Variants in SMAP2 observed in about 807,000 individuals in gnomAD.
SMAP2 encodes small ArfGAP2.
SMAP2 carries 25 observed loss-of-function variants against 56.4 expected under a neutral mutation model. That is an observed-to-expected ratio of 0.44 (90% CI 0.32 to 0.62). The LOEUF (loss-of-function observed/expected upper bound fraction) is 0.62. SMAP2 is among the 20% of genes least tolerant of loss of function. The pLI is 0.04. For synonymous variants in SMAP2, 157 were observed against 181.7 expected, an observed-to-expected ratio of 0.86 and a Z score of 1.09; for missense variants, 388 against 545.6, an observed-to-expected ratio of 0.71 and a Z score of 2.88.
chr1:40,405,498 T>C (rs1447480533), intron 1 of SMAP2, among the ~76,000 whole-genome samples: 2 of 152,098 alleles, frequency 1.3e-5, no homozygotes. Flanking sequence ...AAAATAAAAA[T>C]TAAAAAATTA....
rs1309926578 is a variant in SMAP2, at chr1:40,374,021, C to A, written c.-100C>A. The A allele has an allele frequency of 1.1e-6, 1 of 884,630 alleles. No individual in the cohort carries two copies. Among genetic ancestry groups the A allele is most frequent in the Non-Finnish European group, 1.8e-6 (1 of 552,486 alleles). 54.8% of individuals were successfully genotyped at this position (884,630 alleles called of 1,614,324 possible). On this transcript the variant is annotated 5_prime_UTR_variant, in exon 1 of 10. Transcript: ENST00000372718. The surrounding 1 kb of genome is among the most constrained non-coding windows in gnomAD (Gnocchi z 5.9). ...AGGGCTCTCCCCGCTCAGGAGGTGC[C>A]CCTGGGCGGGGGACCGGGAGTCCTC...
intron 1 of SMAP2, among the ~76,000 whole-genome samples, chr1:40,398,161 A>T (rs913747236): frequency 6.6e-6 from 1 of 152,176 alleles, no homozygotes; most frequent in Non-Finnish European, 1.5e-5. Context: ...TCATTATCCC[A>T]TTATCCCGAT....
At chr1:40,384,640 T>A (rs1405326241) in intron 1 of SMAP2, among the ~76,000 whole-genome samples, 1 of 152,192 alleles carries the variant, frequency 6.6e-6, no homozygotes, top group Admixed American at 6.5e-5. Flanking sequence ...GGCTGTTACT[T>A]CCCACAGAGG....
chr1:40,350,631 A>C (rs1210887884), intron 1 of SMAP2, among the ~76,000 whole-genome samples: 1 of 152,198 alleles, frequency 6.6e-6, no homozygotes, highest in Non-Finnish European at 1.5e-5. Context: ...TATTTCAGTT[A>C]GTAGGGCCCC....
At chr1:40,345,273 A>G (rs1041111879) in intron 1 of SMAP2, among the ~76,000 whole-genome samples, 3 of 151,948 alleles carry the variant, frequency 2.0e-5, no homozygotes. Flanking sequence ...GCATGGTGGC[A>G]CACACCTGTA....
chr1:40,421,692 G>A (rs998291561), intron 9 of SMAP2, among the ~76,000 whole-genome samples: 4 of 152,290 alleles, frequency 2.6e-5, no homozygotes, highest in South Asian at 4.1e-4. Flanking sequence ...AGGAAAAAGA[G>A]AGGAACTCAT....
intron 1 of SMAP2, among the ~76,000 whole-genome samples, chr1:40,399,206 G>A (rs1471463803): frequency 6.6e-6 from 1 of 151,698 alleles, no homozygotes; most frequent in East Asian, 1.9e-4. Flanking sequence ...GTGCAGTGGT[G>A]GGATCTCGGC....
intron 1 of SMAP2, among the ~76,000 whole-genome samples, chr1:40,404,481 G>A (rs189998): frequency 6.6e-6 from 1 of 152,186 alleles, no homozygotes; most frequent in Non-Finnish European, 1.5e-5. Context: ...CTTTAAGTAC[G>A]CTGGAGTGGG....
At position 40,417,048 on chromosome 1, in the gene SMAP2, T is replaced by G; in HGVS notation, c.1116T>G (p.Thr372=). The change falls in exon 9 of 10, where the codon ACT becomes ACG. Residue 372 remains threonine, a synonymous_variant. Coordinates refer to ENST00000372718, the MANE Select transcript of SMAP2 (RefSeq NM_022733.3). ...YMAGMAAMPQ[T]VYGVQPAQQL... is the part of the protein sequence containing the mutation. ...CAGGCATGGCAGCTATGCCCCAGAC[T>G]GTGTATGGGGTCCAGCCAGCTCAGC... 1 of 1,613,546 alleles carries G rather than the reference T, an allele frequency of 6.2e-7. No individual in the cohort carries two copies. Among genetic ancestry groups the G allele is most frequent in the Non-Finnish European group, 8.5e-7 (1 of 1,179,570 alleles).
chr1:40,360,007 T>TC lies in SMAP2; in HGVS notation c.-82-2293_-82-2292insC, dbSNP rs941415077. Among the ~76,000 whole-genome samples, 12 of 136,144 alleles carry TC rather than the reference T, an allele frequency of 8.8e-5. No homozygotes were observed. In the East Asian group the frequency reaches 1.5e-3, roughly 17 times the overall value. 89.3% of individuals were successfully genotyped at this position (136,144 alleles called of 152,430 possible). A position where few individuals can be genotyped will look rare whatever the true frequency, so the allele number is the denominator to read the frequency against. ...GACTTTTTTCTTCTTCTTCTTTCTT[T>TC]TTTTTTTTTTTTTTTTTGAGATGGA... On this transcript the variant is annotated intron_variant, in intron 1 of 6. Coordinates refer to the SMAP2 transcript ENST00000435168.
intron 1 of SMAP2, among the ~76,000 whole-genome samples, chr1:40,358,728 A>G (rs1032452105): frequency 1.3e-5 from 2 of 152,128 alleles, no homozygotes; most frequent in African/African-American, 4.8e-5. Context: ...TTTTGTATCT[A>G]TTAGGTTCAT....
Position 40,358,760 on chromosome 1 carries a change from G to A in SMAP2, c.-82-3540G>A, listed in dbSNP as rs541256639. ...TCATTCGATTTTTAGTGCAGATTAA[G>A]TCTGATGTTTCTTTGTTGGTTTTCT... On this transcript the variant is annotated intron_variant, in intron 1 of 6. Coordinates refer to the SMAP2 transcript ENST00000435168. Among the ~76,000 whole-genome samples, 11 of 152,310 alleles carry A rather than the reference G, an allele frequency of 7.2e-5. No homozygotes were observed. In the East Asian group the frequency reaches 2.1e-3, roughly 29 times the overall value.
chr1:40,407,081 G>T lies in SMAP2; in HGVS notation c.237+212G>T, dbSNP rs952603255. Among the ~76,000 whole-genome samples the T allele has an allele frequency of 2.6e-5, 4 of 152,278 alleles. No homozygotes were observed. In the South Asian group the frequency reaches 6.2e-4, roughly 24 times the overall value. On this transcript the variant is annotated intron_variant, in intron 2 of 9. Transcript: ENST00000372718. Reference sequence around the variant, plus strand: ...CCTATATTTTACCTCCTTAAAAACAGAAATAGTCTACGGTCTAGGATTCCA... The same window carrying T: ...CCTATATTTTACCTCCTTAAAAACATAAATAGTCTACGGTCTAGGATTCCA...
chr1:40,385,694 C>T lies in SMAP2; in HGVS notation c.103+11471C>T, dbSNP rs144073432. On this transcript the variant is annotated intron_variant, in intron 1 of 9. Coordinates refer to ENST00000372718, the MANE Select transcript of SMAP2 (RefSeq NM_022733.3). The surrounding 1 kb of genome is among the most constrained non-coding windows in gnomAD (Gnocchi z 4.5). Reference sequence around the variant, plus strand: ...CTTCAAATAGCCATGCTGTCTTTTGCAGCAGTTGCTGGTGACGGAATACCA... The same window carrying T: ...CTTCAAATAGCCATGCTGTCTTTTGTAGCAGTTGCTGGTGACGGAATACCA... 7.1e-4 allele frequency among the ~76,000 whole-genome samples: 108 copies of T among 152,338 alleles called. 1 individual carries two copies. The highest frequency in any genetic ancestry group is 2.5e-3 in the African/African-American group (102 of 41,578).
intron 9 of SMAP2, among the ~76,000 whole-genome samples, chr1:40,421,038 C>G (rs1435916328): frequency 7.5e-6 from 1 of 133,290 alleles, no homozygotes; most frequent in Non-Finnish European, 1.6e-5. Context: ...ATAGCTGCAG[C>G]TTTTTTTTTT....
Position 40,396,986 on chromosome 1 carries a change from C to T in SMAP2, c.104-9750C>T, listed in dbSNP as rs140155418. The T allele has an allele frequency of 1.1e-3, 299 of 261,870 alleles. 2 individuals carry two copies. Among genetic ancestry groups the T allele is most frequent in the African/African-American group, 6.0e-3 (260 of 43,470 alleles). The allele number at this position is 261,870 out of a possible 1,614,324, so 16.2% of individuals were successfully genotyped here. A position where few individuals can be genotyped will look rare whatever the true frequency, so the allele number is the denominator to read the frequency against. On this transcript the variant is annotated intron_variant, in intron 1 of 9. Transcript: ENST00000372718. ...TCAGAGTTAATGACAAGTTATGTCACGTAGAATTAATCTCTTATAAAATCT... is the reference window on the plus strand; with the variant it reads ...TCAGAGTTAATGACAAGTTATGTCATGTAGAATTAATCTCTTATAAAATCT...
At chr1:40,392,784 G>A (rs1480164462) in intron 1 of SMAP2, among the ~76,000 whole-genome samples, 1 of 152,088 alleles carries the variant, frequency 6.6e-6, no homozygotes, top group Admixed American at 6.5e-5. Flanking sequence ...AAGCAAAATA[G>A]TCATACTAGG....
chr1:40,365,731 A>G (rs1159821565), intron 2 of SMAP2, among the ~76,000 whole-genome samples: 3 of 152,184 alleles, frequency 2.0e-5, no homozygotes, highest in African/African-American at 7.2e-5. Context: ...CCAAAAGTAG[A>G]TAAAACCACA....
At chr1:40,421,851 A>G (rs1185752902) in intron 9 of SMAP2, 125 bp from the exon 10 acceptor site, 17 of 1,106,452 alleles carry the variant, frequency 1.5e-5, no homozygotes, top group Non-Finnish European at 9.2e-6. Context: ...TTTACTGTCC[A>G]TAACAGAGTT....
Sources: gnomAD v4.1 joint callset for allele counts (sites outside exome capture counted in the v4.1 genomes callset) on GRCh38, gnomAD v4.1.1 for gene constraint, Gnocchi (gnomAD v3.1) non-coding constraint, MANE v1.5 for transcripts, NCBI Gene and HGNC (gene_info 2026-07-23, HGNC 2026-07-21) for gene names.